The following PTPN2 variants were observed in gnomAD, a reference collection of about 807,000 sequenced individuals.
PTPN2 encodes protein tyrosine phosphatase non-receptor type 2.
PTPN2 carries 19 observed loss-of-function variants against 57.3 expected under a neutral mutation model. The observed-to-expected ratio is 0.33, with a 90% CI of 0.23 to 0.49. The LOEUF is 0.49. Among genes scored for constraint, PTPN2 ranks in the 20% least tolerant of loss-of-function variants. The pLI is 0.99. For synonymous variants in PTPN2, 153 were observed against 164.9 expected (o/e 0.93, Z 0.55); for missense variants, 358 against 501.1 (o/e 0.71, Z 2.73).
At chr18:12,805,158 A>T (rs1218473651) in intron 7 of PTPN2, among the ~76,000 whole-genome samples, 10 of 152,152 alleles carry the variant, frequency 6.6e-5, no homozygotes, top group Admixed American at 6.6e-4. Flanking sequence ...AAACCATTTG[A>T]TAAAATTCAA....
At chr18:12,860,710 T>C (rs2043775889) in intron 1 of PTPN2, among the ~76,000 whole-genome samples, 2 of 152,156 alleles carry the variant, frequency 1.3e-5, no homozygotes, top group African/African-American at 2.4e-5. Flanking sequence ...TGCAGTGAGC[T>C]GAGATTGCGC....
At chr18:12,866,473 AAAAC>A (rs1242303554) in intron 1 of PTPN2, among the ~76,000 whole-genome samples, 6 of 151,460 alleles carry the variant, frequency 4.0e-5, no homozygotes, top group African/African-American at 7.3e-5. Flanking sequence ...AAAACAAAAC[AAAAC>A]AAAAAAACAG....
At chr18:12,865,385 T>C (rs2043955574) in intron 1 of PTPN2, among the ~76,000 whole-genome samples, 1 of 149,802 alleles carries the variant, frequency 6.7e-6, no homozygotes. Context: ...CAGTAAGCCG[T>C]GATCACGCCA....
chr18:12,805,639 C>CTTTT (rs755422217), intron 7 of PTPN2, among the ~76,000 whole-genome samples: 2 of 114,132 alleles, frequency 1.8e-5, no homozygotes, highest in African/African-American at 5.8e-5. Context: ...TGCCTCCTTT[C>CTTTT]TTTTTTTTTT....
intron 8 of PTPN2, among the ~76,000 whole-genome samples, chr18:12,796,544 G>C (rs1038240556): frequency 2.0e-5 from 3 of 152,114 alleles, no homozygotes; most frequent in East Asian, 1.9e-4. Flanking sequence ...AATGTAAAAT[G>C]GTTCAGCTGC....
At chr18:12,881,247 C>G (rs1192786319) in intron 1 of PTPN2, among the ~76,000 whole-genome samples, 1 of 152,132 alleles carries the variant, frequency 6.6e-6, no homozygotes, top group Non-Finnish European at 1.5e-5. Flanking sequence ...CCAGCCTGGC[C>G]AACATGTCGA....
chr18:12,867,945 T>C (rs1368548481), intron 1 of PTPN2, among the ~76,000 whole-genome samples: 4 of 152,314 alleles, frequency 2.6e-5, no homozygotes, highest in Admixed American at 2.6e-4. Flanking sequence ...TTGGGGTGAA[T>C]TTTTCGTTTG....
At chr18:12,868,237 T>C (rs1261374374) in intron 1 of PTPN2, among the ~76,000 whole-genome samples, 1 of 151,196 alleles carries the variant, frequency 6.6e-6, no homozygotes, top group African/African-American at 2.4e-5. Flanking sequence ...TCATAGTTGT[T>C]GTTTTTTGTT....
intron 5 of PTPN2, chr18:12,819,289 G>A (rs1196706461): frequency 3.7e-6 from 5 of 1,354,132 alleles, no homozygotes; most frequent in Non-Finnish European, 4.9e-6. Context: ...TATACTAAAA[G>A]CAATAAAAAA....
chr18:12,807,237 C>G (rs1298930392), intron 7 of PTPN2, among the ~76,000 whole-genome samples: 1 of 151,990 alleles, frequency 6.6e-6, no homozygotes, highest in East Asian at 1.9e-4. Context: ...ACTGAGATAT[C>G]ACCACACCCC....
chr18:12,883,973 TAGAGGCG>T (rs1555682727), intron 1 of PTPN2, 93 bp downstream of exon 1: 2 of 1,087,326 alleles, frequency 1.8e-6, no homozygotes, highest in African/African-American at 1.7e-5. Context: ...AGCGAGAGGC[TAGAGGCG>T]AGAGGCGGGG....
At chr18:12,848,508 A>G (rs974402885) in intron 2 of PTPN2, among the ~76,000 whole-genome samples, 1 of 152,230 alleles carries the variant, frequency 6.6e-6, no homozygotes, top group Non-Finnish European at 1.5e-5. Context: ...CACAAAAGGC[A>G]ATGAAGCTTC....
chr18:12,827,787 C>G (rs182248798), intron 4 of PTPN2, among the ~76,000 whole-genome samples: 1 of 151,772 alleles, frequency 6.6e-6, no homozygotes, highest in Non-Finnish European at 1.5e-5. Context: ...ATCCAACATA[C>G]GTATAATAGG....
chr18:12,823,568 G>A lies in PTPN2; in HGVS notation c.495+2242C>T, dbSNP rs937348732. On this transcript the variant is annotated intron_variant, in intron 5 of 8. Transcript: ENST00000309660. ...TGCACACCTGTATTCCCAGCTACTCGGGAGGCTAGGACAGGAGAATCACTT... is the reference window on the plus strand; with the variant it reads ...TGCACACCTGTATTCCCAGCTACTCAGGAGGCTAGGACAGGAGAATCACTT... Among the ~76,000 whole-genome samples the A allele has an allele frequency of 1.4e-4, 21 of 152,122 alleles. No homozygotes were observed. The East Asian group carries it at 3.3e-3, about 24-fold the overall frequency.
intron 3 of PTPN2, among the ~76,000 whole-genome samples, chr18:12,835,396 T>TTTTTTTTTTTTTTTTTTTTTTTTTTG (rs2042825161): frequency 1.3e-5 from 2 of 148,240 alleles, no homozygotes; most frequent in African/African-American, 5.0e-5. Flanking sequence ...TTTTTTTTTT[T>TTTTTTTTTTTTTTTTTTTTTTTTTTG]GGACAGTTTT....
intron 1 of PTPN2, among the ~76,000 whole-genome samples, chr18:12,859,777 C>T (rs1488491690): frequency 6.6e-6 from 1 of 152,118 alleles, no homozygotes; most frequent in Non-Finnish European, 1.5e-5. Flanking sequence ...TTATTTTGAA[C>T]CCAGAAATAT....
chr18:12,828,148 G>A lies in PTPN2; in HGVS notation c.361-2204C>T, dbSNP rs1400708344. On this transcript the variant is annotated intron_variant, in intron 4 of 8. Transcript: ENST00000309660. ...AAGTTGTTCAAAGAATAGCACATGA[G>A]CCAAGGATTTTATATCCCGCCAAAC... Among the ~76,000 whole-genome samples the A allele has an allele frequency of 2.0e-5, 3 of 152,178 alleles. No individual in the cohort carries two copies. The East Asian group carries it at 5.8e-4, about 29-fold the overall frequency.
intron 1 of PTPN2, among the ~76,000 whole-genome samples, chr18:12,868,528 T>C (rs1373650553): frequency 1.3e-5 from 2 of 152,074 alleles, no homozygotes; most frequent in African/African-American, 4.8e-5. Flanking sequence ...AGTGCTGGGA[T>C]TACAGGCGTG....
At chr18:12,870,333 AT>A (rs1776799335) in intron 1 of PTPN2, among the ~76,000 whole-genome samples, 1 of 61,936 alleles carries the variant, frequency 1.6e-5, no homozygotes, top group Non-Finnish European at 2.7e-5. Flanking sequence ...ATATATATGT[AT>A]ATATATACAT....
Sources: allele counts gnomAD v4.1 joint callset (sites outside exome capture counted in the v4.1 genomes callset), GRCh38; gene constraint gnomAD v4.1.1; transcripts MANE v1.5; gene names NCBI Gene and HGNC (gene_info 2026-07-23, HGNC 2026-07-21).